The following ZNF536 variants were observed in gnomAD, a reference collection of about 807,000 sequenced individuals.
ZNF536 encodes zinc finger protein 536.
In ZNF536, 13 loss-of-function variants were observed where a neutral mutation model predicts 84.5. The ratio of observed to expected loss-of-function variants is 0.15; its 90% confidence interval spans 0.10 to 0.24. ZNF536 has a LOEUF of 0.24. ZNF536 is among the 10% of genes least tolerant of loss of function. The probability of loss-of-function intolerance (pLI) is 1.00; values close to 1 mark genes in which losing one functional copy is unlikely to be tolerated. For synonymous variants in ZNF536, 811 were observed against 742.5 expected (o/e 1.09, Z -1.50); for missense variants, 1,536 against 1,747.5 (o/e 0.88, Z 2.16).
intron 2 of ZNF536, among the ~76,000 whole-genome samples, chr19:30,309,285 C>T (rs553930206): frequency 5.3e-5 from 8 of 152,260 alleles, no homozygotes; most frequent in African/African-American, 1.2e-4. Flanking sequence ...GACAAAGTTC[C>T]GGGAAGGTTG....
rs1449896480 is a variant in ZNF536 at position 30,445,526 on chromosome 19, G to A, written c.1964G>A (p.Arg655Gln). 3.7e-6 allele frequency: 6 copies of A among 1,613,776 alleles called. No homozygotes were observed. Among genetic ancestry groups the A allele is most frequent in the Admixed American group, 3.3e-5 (2 of 60,008 alleles). The change falls in exon 2 of 5, where the codon CGG (arginine) becomes CAG (glutamine). Residue 655 changes from arginine (R) to glutamine (Q), a missense_variant. This residue lies in a region of ZNF536 where 366 missense variants were observed against 364.4 expected (regional missense o/e 1.00). Transcript: ENST00000355537. This position sits in a 1 kb window ranked among gnomAD's most constrained non-coding sequence, Gnocchi z 4.5. ...GTCGTGCACTCCCGTGTCCACAAGC[G>A]GGACCGCAAGGGCGAGGAGGATGGG... ...QVVVHSRVHKRDRKGEEDGLH... is the reference protein window; with the variant it reads ...QVVVHSRVHKQDRKGEEDGLH...
At chr19:30,404,286 T>C (rs549391732) in intron 1 of ZNF536, among the ~76,000 whole-genome samples, 1 of 152,194 alleles carries the variant, frequency 6.6e-6, no homozygotes, top group South Asian at 2.1e-4. Context: ...GAGACAGCCT[T>C]GGTGTAGATT....
At chr19:30,402,040 T>C (rs2050065395) in intron 1 of ZNF536, among the ~76,000 whole-genome samples, 1 of 152,274 alleles carries the variant, frequency 6.6e-6, no homozygotes, top group African/African-American at 2.4e-5. Context: ...CAAATTCCAA[T>C]TGTGAAAAGC....
At chr19:30,447,717 G>A (rs2052418407) in intron 2 of ZNF536, among the ~76,000 whole-genome samples, 1 of 152,192 alleles carries the variant, frequency 6.6e-6, no homozygotes, top group African/African-American at 2.4e-5. Context: ...GGCCTCCTAG[G>A]ATGAGGTCTG....
intron 1 of ZNF536, among the ~76,000 whole-genome samples, chr19:30,568,264 TGAA>T (rs1599837565): frequency 6.6e-6 from 1 of 152,158 alleles, no homozygotes; most frequent in East Asian, 1.9e-4. Flanking sequence ...TCCTGATATG[TGAA>T]GAAGGTGAGG....
At chr19:30,637,461 A>G (rs572497902) in intron 1 of ZNF536, among the ~76,000 whole-genome samples, 2 of 151,978 alleles carry the variant, frequency 1.3e-5, no homozygotes, top group South Asian at 2.1e-4. Flanking sequence ...CTATTTTGCA[A>G]CTCTCTGCCT....
chr19:30,441,908 G>A (rs112015517), intron 1 of ZNF536, among the ~76,000 whole-genome samples: 3 of 152,154 alleles, frequency 2.0e-5, no homozygotes, highest in Admixed American at 1.3e-4. Flanking sequence ...TCCATGCCAC[G>A]CAGTCTCCTG....
intron 1 of ZNF536, among the ~76,000 whole-genome samples, chr19:30,391,959 T>G (rs986687441): frequency 6.6e-6 from 1 of 152,114 alleles, no homozygotes; most frequent in Non-Finnish European, 1.5e-5. Context: ...TAGCCTCCAC[T>G]TTGAATAAGG....
chr19:30,404,951 C>T (rs758581271), intron 1 of ZNF536, among the ~76,000 whole-genome samples: 6 of 152,256 alleles, frequency 3.9e-5, no homozygotes, highest in African/African-American at 1.2e-4. Context: ...ATTAATTTGC[C>T]GGAGCAGCTC....
At chr19:30,396,303 A>G (rs895933893) in intron 1 of ZNF536, among the ~76,000 whole-genome samples, 4 of 152,230 alleles carry the variant, frequency 2.6e-5, no homozygotes, top group Non-Finnish European at 5.9e-5. Flanking sequence ...AAGAGATCAC[A>G]TGATCTGTGT....
chr19:30,286,619 A>C (rs1243876777), intron 2 of ZNF536, among the ~76,000 whole-genome samples: 1 of 152,152 alleles, frequency 6.6e-6, no homozygotes, highest in Non-Finnish European at 1.5e-5. Flanking sequence ...AGACAGAGAG[A>C]GAGAGAAATC....
chr19:30,493,596 C>T (rs1040620782), intron 2 of ZNF536, among the ~76,000 whole-genome samples: 1 of 152,180 alleles, frequency 6.6e-6, no homozygotes, highest in Non-Finnish European at 1.5e-5. Flanking sequence ...ATTCAGTCTT[C>T]CCCATCACTC....
chr19:30,596,103 T>C (rs1274834165), intron 1 of ZNF536, among the ~76,000 whole-genome samples: 1 of 152,186 alleles, frequency 6.6e-6, no homozygotes, highest in Non-Finnish European at 1.5e-5. Flanking sequence ...CGGGACATAC[T>C]GTTCTTTCTT....
At chr19:30,279,045 A>G (rs2045343022) in intron 1 of ZNF536, among the ~76,000 whole-genome samples, 1 of 151,656 alleles carries the variant, frequency 6.6e-6, no homozygotes, top group Non-Finnish European at 1.5e-5. Flanking sequence ...TCTCCATCCA[A>G]CCTCAGGGCC....
chr19:30,485,688 G>A (rs73536723), intron 2 of ZNF536, among the ~76,000 whole-genome samples: 7,416 of 144,090 alleles, frequency 0.051, 301 homozygotes, highest in African/African-American at 0.12. Flanking sequence ...AACTCAGGAA[G>A]CAGGCGGTGG....
At chr19:30,497,626 A>G (rs747507192) in intron 2 of ZNF536, among the ~76,000 whole-genome samples, 13 of 152,152 alleles carry the variant, frequency 8.5e-5, no homozygotes, top group South Asian at 2.1e-4. Context: ...AGTGGCCCAA[A>G]AGGAGAAAGC....
At chr19:30,376,471 C>T (rs951928302) in intron 1 of ZNF536, among the ~76,000 whole-genome samples, 3 of 152,240 alleles carry the variant, frequency 2.0e-5, no homozygotes, top group Admixed American at 6.5e-5. Context: ...AGAGCCCTCA[C>T]AGACCCAGGG....
In ZNF536 at chr19:30,445,239, T is replaced by G. The variant is rs749394355; in HGVS notation, c.1677T>G (p.Phe559Leu). The G allele has an allele frequency of 1.2e-6, 2 of 1,614,114 alleles. No homozygotes were observed. The highest frequency in any genetic ancestry group is 2.2e-5 in the East Asian group (1 of 44,834). Residue 559 changes from phenylalanine to leucine, a missense_variant, in exon 2 of 5, where the codon TTT becomes TTG. Phe to Leu is a conservative substitution (Grantham distance 22, BLOSUM62 0). This residue lies in a region of ZNF536 where 366 missense variants were observed against 364.4 expected (regional missense o/e 1.00). Coordinates refer to ENST00000355537, the MANE Select transcript of ZNF536 (RefSeq NM_014717.3). This position sits in a 1 kb window ranked among gnomAD's most constrained non-coding sequence, Gnocchi z 4.5. ...EDTLANAGVL[F>L]DKEKREYVLV... ...CTTTGGCAAACGCCGGGGTTCTGTT[T>G]GATAAGGAGAAGCGGGAGTACGTGT... is the stretch of plus-strand genomic sequence containing the variant.
intron 1 of ZNF536, among the ~76,000 whole-genome samples, chr19:30,258,469 CTGTTTCATAGATAGTTGAACA>C (rs2025025042): frequency 6.6e-6 from 1 of 152,158 alleles, no homozygotes; most frequent in Non-Finnish European, 1.5e-5. Flanking sequence ...TAGTTGTTTC[CTGTTTCATAGATAGTTGAACA>C]TGCCTCTGGC....
Sources: allele counts gnomAD v4.1 joint callset (sites outside exome capture counted in the v4.1 genomes callset), GRCh38; gene constraint gnomAD v4.1.1; regional missense constraint gnomAD v4.1.1; non-coding constraint Gnocchi (gnomAD v3.1); transcripts MANE v1.5; gene names NCBI Gene and HGNC (gene_info 2026-07-23, HGNC 2026-07-21).